The following CNTN5 variants were observed in gnomAD, a reference collection of about 807,000 sequenced individuals.
The protein encoded by CNTN5 is contactin-5.
Under a neutral mutation model 129.1 loss-of-function variants are expected in CNTN5, and 77 were observed. The ratio of observed to expected loss-of-function variants is 0.60; its 90% CI spans 0.50 to 0.72. The LOEUF is 0.72. Among genes scored for constraint, CNTN5 ranks in the 30% least tolerant of loss-of-function variants. CNTN5 has a pLI of 0.00. For missense variants in CNTN5, 1,478 were observed against 1,328.8 expected (o/e 1.11, Z -1.75); for synonymous variants, 509 against 465.6 (o/e 1.09, Z -1.20).
chr11:99,377,960 C>T (rs1354097507), intron 2 of CNTN5, among the ~76,000 whole-genome samples: 1 of 152,062 alleles, frequency 6.6e-6, no homozygotes, highest in Non-Finnish European at 1.5e-5. Context: ...AGAAAGGAAA[C>T]CTTGCTTTGT....
At chr11:99,783,058 T>G (rs1263146175) in intron 3 of CNTN5, among the ~76,000 whole-genome samples, 19 of 143,310 alleles carry the variant, frequency 1.3e-4, no homozygotes, top group African/African-American at 3.9e-4. Context: ...GGGAGAAAAT[T>G]TTCGCAACCT....
At chr11:100,050,609 A>G (rs1942904611) in intron 9 of CNTN5, among the ~76,000 whole-genome samples, 4 of 152,096 alleles carry the variant, frequency 2.6e-5, no homozygotes, top group Admixed American at 2.6e-4. Context: ...CTTGTACCCT[A>G]AAACTTAAAG....
intron 1 of CNTN5, among the ~76,000 whole-genome samples, chr11:99,249,297 G>T (rs1269103336): frequency 6.6e-6 from 1 of 152,038 alleles, no homozygotes; most frequent in African/African-American, 2.4e-5. Context: ...GAATGCTTGT[G>T]ATTTTTGCAC....
intron 3 of CNTN5, among the ~76,000 whole-genome samples, chr11:99,813,036 A>G (rs1252876210): frequency 6.6e-6 from 1 of 151,950 alleles, no homozygotes; most frequent in Non-Finnish European, 1.5e-5. Context: ...AAAATCCTCC[A>G]CCAATACTCC....
chr11:99,637,423 T>TGTGTTTG lies in CNTN5; in HGVS notation c.55+81154_55+81155insGTGTTTG, dbSNP rs1591399167. Among the ~76,000 whole-genome samples the TGTGTTTG allele has an allele frequency of 2.0e-5, 3 of 152,078 alleles. No individual in the cohort carries two copies. The East Asian group carries it at 5.8e-4, about 29-fold the overall frequency. On this transcript the variant is annotated intron_variant, in intron 3 of 24. Transcript: ENST00000524871. ...AATTGAATAAACATAAGCAAACACA[T>TGTGTTTG]CACATGGCAATCATGTACATGTATA...
chr11:99,400,792 T>C (rs1941766004), intron 2 of CNTN5, among the ~76,000 whole-genome samples: 1 of 152,174 alleles, frequency 6.6e-6, no homozygotes, highest in Non-Finnish European at 1.5e-5. Context: ...TGAGATGATA[T>C]CTGATTGTAG....
intron 2 of CNTN5, among the ~76,000 whole-genome samples, chr11:99,466,902 C>T (rs79013283): frequency 2.0e-5 from 3 of 151,934 alleles, no homozygotes; most frequent in African/African-American, 4.8e-5. Context: ...TTCTATTGGC[C>T]GGAAGTCAAT....
At chr11:99,926,059 G>C (rs1244768603) in intron 7 of CNTN5, among the ~76,000 whole-genome samples, 1 of 152,126 alleles carries the variant, frequency 6.6e-6, no homozygotes, top group Non-Finnish European at 1.5e-5. Flanking sequence ...CAGCATTGTT[G>C]TCAGAATTAA....
intron 1 of CNTN5, among the ~76,000 whole-genome samples, chr11:99,303,597 T>C (rs561077657): frequency 6.1e-4 from 92 of 151,620 alleles, no homozygotes; most frequent in African/African-American, 1.8e-3. Context: ...TTCAATTACA[T>C]GCTACTAAAC....
chr11:100,297,207 G>C (rs538146598), intron 18 of CNTN5, among the ~76,000 whole-genome samples: 1 of 151,478 alleles, frequency 6.6e-6, no homozygotes, highest in South Asian at 2.1e-4. Flanking sequence ...GCTTCCTGGG[G>C]GTTCTGGTAA....
intron 16 of CNTN5, among the ~76,000 whole-genome samples, chr11:100,238,072 G>C (rs1036255214): frequency 1.3e-5 from 2 of 152,152 alleles, no homozygotes; most frequent in Non-Finnish European, 1.5e-5. Flanking sequence ...GAGTGGAAAA[G>C]TAAAGGTGCA....
intron 3 of CNTN5, among the ~76,000 whole-genome samples, chr11:99,751,404 T>G (rs1199524822): frequency 6.6e-6 from 1 of 152,162 alleles, no homozygotes; most frequent in Non-Finnish European, 1.5e-5. Flanking sequence ...ACAGTTTGAC[T>G]GAACAACTTA....
chr11:100,214,507 A>T (rs1039508467), intron 15 of CNTN5, among the ~76,000 whole-genome samples: 6 of 152,194 alleles, frequency 3.9e-5, no homozygotes, highest in African/African-American at 1.4e-4. Context: ...TTCATCCATG[A>T]TGAATAATGT....
rs1427726375 is a variant in CNTN5, at chr11:100,054,989, T to C, written c.981-6223T>C. The stretch of plus-strand genomic sequence containing the variant: ...AGTCATAGATTTTTAAAAACAATTC[T>C]TCTATACTTGATTGCCAGAAATCAT... On this transcript the variant is annotated intron_variant, in intron 9 of 24. Coordinates refer to ENST00000524871, the MANE Select transcript of CNTN5 (RefSeq NM_014361.4). Among the ~76,000 whole-genome samples the C allele has an allele frequency of 2.0e-5, 3 of 148,338 alleles. No individual in the cohort carries two copies. In the East Asian group the frequency reaches 5.9e-4, roughly 29 times the overall value.
At position 100,070,967 on chromosome 11, in the gene CNTN5, G is replaced by T. The variant is rs529508023; in HGVS notation, c.1299+407G>T. On this transcript the variant is annotated intron_variant, in intron 11 of 24. Coordinates refer to ENST00000524871, the MANE Select transcript of CNTN5 (RefSeq NM_014361.4). The stretch of plus-strand genomic sequence containing the variant: ...AAATTGCTCGGTATCTTCGTTGATA[G>T]ACAAAGCACTGCCAACTAAGAGTTT... Among the ~76,000 whole-genome samples the T allele has an allele frequency of 4.0e-5, 6 of 151,646 alleles. No homozygotes were observed. In the East Asian group the frequency reaches 1.2e-3, roughly 29 times the overall value.
intron 13 of CNTN5, among the ~76,000 whole-genome samples, chr11:100,187,099 G>A (rs1206176367): frequency 6.6e-6 from 1 of 152,052 alleles, no homozygotes; most frequent in Non-Finnish European, 1.5e-5. Context: ...TCTCCTTATA[G>A]AGATCTGTCA....
At chr11:100,058,081 A>G (rs1427019167) in intron 9 of CNTN5, among the ~76,000 whole-genome samples, 1 of 152,134 alleles carries the variant, frequency 6.6e-6, no homozygotes, top group African/African-American at 2.4e-5. Flanking sequence ...GCTGTGATTA[A>G]GACTGTTTTA....
intron 1 of CNTN5, among the ~76,000 whole-genome samples, chr11:99,035,491 T>G (rs1370537778): frequency 1.3e-5 from 2 of 151,312 alleles, no homozygotes; most frequent in Non-Finnish European, 3.0e-5. Flanking sequence ...TGGTTAGCTC[T>G]TCTTGTTGAA....
chr11:99,456,751 C>T (rs1316346056), intron 2 of CNTN5, among the ~76,000 whole-genome samples: 2 of 152,066 alleles, frequency 1.3e-5, no homozygotes, highest in African/African-American at 2.4e-5. Context: ...TACTAAACCA[C>T]ATCAGATAAA....
Sources: gnomAD v4.1 joint callset for allele counts (sites outside exome capture counted in the v4.1 genomes callset) on GRCh38, gnomAD v4.1.1 for gene constraint, MANE v1.5 for transcripts, NCBI Gene and HGNC (gene_info 2026-07-23, HGNC 2026-07-21) for gene names.